GMDS: variants seen among roughly 807,000 people sequenced by gnomAD.
GMDS encodes the protein GDP-mannose 4,6-dehydratase.
A neutral mutation model predicts 49.9 loss-of-function variants in GMDS; 20 were observed. That is an observed-to-expected ratio of 0.40 (90% CI 0.28 to 0.58). GMDS has a LOEUF of 0.58. GMDS is among the 20% of genes least tolerant of loss of function. The probability of loss-of-function intolerance (pLI) is 0.42; values close to 1 mark genes in which losing one functional copy is unlikely to be tolerated. For synonymous variants in GMDS, 177 were observed against 178.6 expected, an observed-to-expected ratio of 0.99 and a Z score of 0.07; for missense variants, 362 against 481.4, an observed-to-expected ratio of 0.75 and a Z score of 2.32.
At chr6:1,880,088 G>C (rs1266340844) in intron 7 of GMDS, among the ~76,000 whole-genome samples, 1 of 151,984 alleles carries the variant, frequency 6.6e-6, no homozygotes, top group South Asian at 2.1e-4. Flanking sequence ...TATTACAGGA[G>C]TAGAAAGGCA....
chr6:1,728,958 C>A (rs1025931016), intron 8 of GMDS, among the ~76,000 whole-genome samples: 9 of 148,844 alleles, frequency 6.0e-5, no homozygotes, highest in South Asian at 2.1e-4. Context: ...AAAAAAAAAA[C>A]AAAAAACAAA....
intron 1 of GMDS, among the ~76,000 whole-genome samples, chr6:2,135,934 C>T (rs1346535586): frequency 6.6e-6 from 1 of 152,092 alleles, no homozygotes; most frequent in Non-Finnish European, 1.5e-5. Flanking sequence ...GAGAAATGTA[C>T]CATTGCATGA....
intron 7 of GMDS, among the ~76,000 whole-genome samples, chr6:1,817,352 C>G (rs73718504): frequency 0.016 from 2,455 of 152,238 alleles, 70 homozygotes; most frequent in African/African-American, 0.054. Context: ...TATTCTTCCC[C>G]CCACGTATAA....
In GMDS at chr6:2,232,902, C is replaced by A. The variant is rs114306803; in HGVS notation, c.102+12419G>T. Among the ~76,000 whole-genome samples the A allele has an allele frequency of 6.2e-3, 944 of 152,196 alleles. 11 individuals carry two copies. Among genetic ancestry groups the A allele is most frequent in the African/African-American group, 0.022 (896 of 41,510 alleles). ...CCTGACTGCACAGAAGCCCATTTCC[C>A]CACCATGACGAAAAAAAACCTTTCC... On this transcript the variant is annotated intron_variant, in intron 1 of 10. Transcript: ENST00000380815.
chr6:2,102,682 TA>T (rs1276616192), intron 4 of GMDS, among the ~76,000 whole-genome samples: 1 of 152,230 alleles, frequency 6.6e-6, no homozygotes, highest in Admixed American at 6.5e-5. Context: ...ATATTCTGAT[TA>T]AAAGCTGTTT....
At chr6:1,935,241 G>A (rs1581386662) in intron 6 of GMDS, among the ~76,000 whole-genome samples, 1 of 152,238 alleles carries the variant, frequency 6.6e-6, no homozygotes, top group Middle Eastern at 3.4e-3. Flanking sequence ...TCTCCTCTGT[G>A]TACTACTTGC....
chr6:2,225,321 C>T (rs1471626403), intron 1 of GMDS, among the ~76,000 whole-genome samples: 3 of 152,130 alleles, frequency 2.0e-5, no homozygotes, highest in Non-Finnish European at 1.5e-5. Flanking sequence ...CCAAGCAAGA[C>T]CCTGTCTCAA....
chr6:1,648,339 C>T (rs1763550403), intron 9 of GMDS, among the ~76,000 whole-genome samples: 2 of 152,186 alleles, frequency 1.3e-5, no homozygotes, highest in African/African-American at 2.4e-5. Context: ...CTACCTTGGT[C>T]GGAAGGAAAC....
chr6:1,896,872 A>C (rs1760225816), intron 7 of GMDS, among the ~76,000 whole-genome samples: 1 of 152,200 alleles, frequency 6.6e-6, no homozygotes, highest in Non-Finnish European at 1.5e-5. Flanking sequence ...AGGTGATATA[A>C]TAGGGATGAA....
intron 1 of GMDS, among the ~76,000 whole-genome samples, chr6:2,198,563 A>C (rs1420945425): frequency 5.9e-5 from 9 of 152,030 alleles, no homozygotes; most frequent in Non-Finnish European, 1.5e-5. Context: ...AAATAAACAA[A>C]AAAAAAAAAA....
intron 4 of GMDS, among the ~76,000 whole-genome samples, chr6:2,011,733 A>G (rs1298767472): frequency 6.6e-6 from 1 of 152,172 alleles, no homozygotes; most frequent in Non-Finnish European, 1.5e-5. Context: ...TGGGCAACAT[A>G]ATGACACTCA....
At chr6:1,793,979 C>T (rs185869128) in intron 7 of GMDS, among the ~76,000 whole-genome samples, 10 of 152,272 alleles carry the variant, frequency 6.6e-5, no homozygotes, top group East Asian at 5.8e-4. Flanking sequence ...TACACACTTA[C>T]GTGGGAATAA....
At chr6:2,081,274 G>A (rs1772678461) in intron 4 of GMDS, among the ~76,000 whole-genome samples, 1 of 152,132 alleles carries the variant, frequency 6.6e-6, no homozygotes, top group African/African-American at 2.4e-5. Flanking sequence ...GGTTTTCTCT[G>A]GCTACACACA....
chr6:2,012,336 CT>C (rs1453163868), intron 4 of GMDS, among the ~76,000 whole-genome samples: 1 of 151,846 alleles, frequency 6.6e-6, no homozygotes, highest in Non-Finnish European at 1.5e-5. Flanking sequence ...TCTGAATATT[CT>C]AATTAATAGA....
intron 7 of GMDS, among the ~76,000 whole-genome samples, chr6:1,775,686 T>A (rs762273745): frequency 6.6e-6 from 1 of 152,232 alleles, no homozygotes; most frequent in Non-Finnish European, 1.5e-5. Context: ...TTTTGCCAGA[T>A]AGTTTCCATG....
At chr6:2,155,196 C>T (rs930482130) in intron 1 of GMDS, among the ~76,000 whole-genome samples, 5 of 152,082 alleles carry the variant, frequency 3.3e-5, no homozygotes, top group Non-Finnish European at 5.9e-5. Context: ...GCAAAGATAT[C>T]AAATCATAAG....
At chr6:2,138,952 T>C (rs1287279505) in intron 1 of GMDS, among the ~76,000 whole-genome samples, 4 of 152,348 alleles carry the variant, frequency 2.6e-5, no homozygotes, top group South Asian at 2.1e-4. Context: ...TCTGTATCTG[T>C]ACTCACTCCG....
intron 7 of GMDS, among the ~76,000 whole-genome samples, chr6:1,803,316 A>G (rs970430254): frequency 1.3e-5 from 2 of 152,186 alleles, no homozygotes; most frequent in Non-Finnish European, 2.9e-5. Context: ...TTTGCAGTCG[A>G]GAAGGCAAAA....
intron 7 of GMDS, among the ~76,000 whole-genome samples, chr6:1,834,603 A>T (rs1466981773): frequency 6.6e-6 from 1 of 152,224 alleles, no homozygotes; most frequent in African/African-American, 2.4e-5. Context: ...AGTTAAATGC[A>T]AGATTACTCT....
Sources: gnomAD v4.1 joint callset for allele counts (sites outside exome capture counted in the v4.1 genomes callset) on GRCh38, gnomAD v4.1.1 for gene constraint, MANE v1.5 for transcripts, NCBI Gene and HGNC (gene_info 2026-07-23, HGNC 2026-07-21) for gene names.